The following ABCB5 variants were observed in gnomAD, a reference collection of about 807,000 sequenced individuals.
ABCB5 encodes ATP binding cassette subfamily B member 5.
A neutral mutation model predicts 144.2 loss-of-function variants in ABCB5; 155 were observed. The ratio of observed to expected loss-of-function variants is 1.08; its 90% CI spans 0.94 to 1.23. ABCB5 has a LOEUF of 1.23. ABCB5 is among the 50% of genes most tolerant of loss of function. ABCB5 has a pLI of 0.00. For missense variants in ABCB5, 1,830 were observed against 1,520.8 expected (o/e 1.20, Z -3.38); for synonymous variants, 610 against 528.6 (o/e 1.15, Z -2.11).
Position 20,643,187 on chromosome 7 carries a change from G to T in ABCB5, c.318G>T (p.Leu106Phe). 1 of 1,606,128 alleles carries T rather than the reference G, an allele frequency of 6.2e-7. No homozygotes were observed. Among genetic ancestry groups the T allele is most frequent in the South Asian group, 1.1e-5 (1 of 90,340 alleles). Residue 106 changes from leucine to phenylalanine, a missense_variant, in exon 6 of 28, where the codon TTG becomes TTT. Physicochemically the swap from Leu to Phe is conservative, Grantham distance 22. Coordinates refer to ENST00000404938, the MANE Select transcript of ABCB5 (RefSeq NM_001163941.2). The stretch of plus-strand genomic sequence containing the variant: ...CATTCTAATACTCTTTCTTCAGGTT[G>T]ACCCTGTATTATGTTGGAATAGGTG... ...QEKLNEDMTL[L>F]TLYYVGIGVA...
chr7:20,737,157 TAAAA>T (rs112403845), intron 23 of ABCB5, among the ~76,000 whole-genome samples: 1 of 142,804 alleles, frequency 7.0e-6, no homozygotes. Flanking sequence ...GACTCTGTCT[TAAAA>T]AAAAAAAAAG....
chr7:20,750,881 G>A (rs1782902972), intron 26 of ABCB5, among the ~76,000 whole-genome samples: 1 of 152,182 alleles, frequency 6.6e-6, no homozygotes. Context: ...GCATAGGACA[G>A]AAGTGGAAGC....
intron 5 of ABCB5, among the ~76,000 whole-genome samples, chr7:20,635,180 T>G (rs1784128345): frequency 1.3e-5 from 2 of 152,258 alleles, no homozygotes; most frequent in East Asian, 3.9e-4. Flanking sequence ...CAGTGTATGT[T>G]TTTGTTGGCT....
Position 20,704,817 on chromosome 7 carries a change from T to C in ABCB5, c.2421+10T>C. On this transcript the variant is annotated intron_variant, in intron 20 of 27. Transcript: ENST00000404938. ...AGCACAAATTCAAGGAGTATGTATATTGTTTTTATTGTAAATGATGTATGT... is the reference window on the plus strand; with the variant it reads ...AGCACAAATTCAAGGAGTATGTATACTGTTTTTATTGTAAATGATGTATGT... 1 of 1,598,562 alleles carries C rather than the reference T, an allele frequency of 6.3e-7. No homozygotes were observed. Among genetic ancestry groups the C allele is most frequent in the Non-Finnish European group, 8.6e-7 (1 of 1,166,766 alleles).
chr7:20,633,976 G>A (rs1051263963), intron 5 of ABCB5, among the ~76,000 whole-genome samples: 3 of 151,968 alleles, frequency 2.0e-5, no homozygotes, highest in African/African-American at 7.2e-5. Flanking sequence ...CCCAAATAGT[G>A]AAACTTGTAG....
Position 20,727,120 on chromosome 7 carries a change from G to C in ABCB5, c.2706G>C (p.Glu902Asp). 6.2e-7 allele frequency: 1 copy of C among 1,613,296 alleles called. No homozygotes were observed. Residue 902 changes from glutamate (E) to aspartate (D), a missense_variant, in exon 22 of 28, where the codon GAG becomes GAC. Physicochemically the swap from Glu to Asp is conservative, Grantham distance 45. Coordinates refer to ENST00000404938, the MANE Select transcript of ABCB5 (RefSeq NM_001163941.2). ...REKAFEQMYE[E>D]MLQTQHRNTS... ...AAGCCTTCGAGCAAATGTATGAAGA[G>C]ATGCTTCAGACTCAACACAGGTGAT...
At chr7:20,658,483 G>A (rs1393547319) in intron 13 of ABCB5, 23 bp from the exon 14 acceptor site, 1 of 1,609,208 alleles carries the variant, frequency 6.2e-7, no homozygotes, top group Non-Finnish European at 8.5e-7. Context: ...CTGTTTCTGT[G>A]CTTCTTTCCT....
chr7:20,668,330 C>A (rs1440650956), intron 14 of ABCB5, among the ~76,000 whole-genome samples: 3 of 146,588 alleles, frequency 2.0e-5, no homozygotes, highest in Non-Finnish European at 4.5e-5. Flanking sequence ...CGTCTCTGCC[C>A]GGCCGCCCAT....
chr7:20,618,682 A>G lies in ABCB5; in HGVS notation c.-22+2845A>G, dbSNP rs192269301. On this transcript the variant is annotated intron_variant, in intron 1 of 27. Transcript: ENST00000404938. ...ATACAACATTTGGTTTTCTGTTTCC[A>G]TGTTAATTCACTTAAGATAATAGCC... Among the ~76,000 whole-genome samples the G allele has an allele frequency of 3.1e-3, 461 of 148,812 alleles. 11 individuals carry two copies. The highest frequency in any genetic ancestry group is 0.029 in the Admixed American group (424 of 14,764).
chr7:20,740,404 G>T (rs1223629482), intron 24 of ABCB5, among the ~76,000 whole-genome samples: 2 of 151,988 alleles, frequency 1.3e-5, no homozygotes, highest in East Asian at 3.9e-4. Context: ...AATTTTAATA[G>T]ATTTATATGT....
intron 1 of ABCB5, among the ~76,000 whole-genome samples, chr7:20,621,241 C>G (rs2128016108): frequency 6.6e-6 from 1 of 152,062 alleles, no homozygotes; most frequent in East Asian, 1.9e-4. Context: ...TAGGAGATAA[C>G]AGAAGTTATT....
At chr7:20,668,600 G>GT (rs1311455162) in intron 14 of ABCB5, among the ~76,000 whole-genome samples, 4 of 146,538 alleles carry the variant, frequency 2.7e-5, no homozygotes, top group Non-Finnish European at 6.1e-5. Flanking sequence ...TGGGGGGGGG[G>GT]GTCAGCCCCC....
intron 10 of ABCB5, 113 bp from the exon 11 acceptor site, chr7:20,647,855 A>G (rs1172676903): frequency 6.4e-6 from 7 of 1,090,826 alleles, no homozygotes; most frequent in South Asian, 1.5e-5. Flanking sequence ...ATGCACTTCT[A>G]AAGCAGAAAG....
chr7:20,695,293 A>G (rs1786370370), intron 16 of ABCB5, among the ~76,000 whole-genome samples: 1 of 151,942 alleles, frequency 6.6e-6, no homozygotes, highest in African/African-American at 2.4e-5. Context: ...GCTTTTCAAC[A>G]CAAGGGCAAA....
intron 20 of ABCB5, among the ~76,000 whole-genome samples, chr7:20,719,121 T>G (rs1199808903): frequency 6.6e-6 from 1 of 152,184 alleles, no homozygotes; most frequent in East Asian, 1.9e-4. Flanking sequence ...TCTAGAAGCA[T>G]GTAGATTTTA....
At chr7:20,627,078 G>A (rs558794606) in intron 3 of ABCB5, among the ~76,000 whole-genome samples, 1 of 152,208 alleles carries the variant, frequency 6.6e-6, no homozygotes, top group South Asian at 2.1e-4. Context: ...TAAAGCCTAT[G>A]TATCAGATAA....
intron 12 of ABCB5, among the ~76,000 whole-genome samples, chr7:20,651,127 C>G (rs947214350): frequency 4.6e-5 from 7 of 152,102 alleles, no homozygotes; most frequent in Admixed American, 4.6e-4. Flanking sequence ...ATAACATTTG[C>G]GGAACCTAGA....
chr7:20,645,434 G>A (rs574178572), intron 7 of ABCB5, among the ~76,000 whole-genome samples: 1 of 152,300 alleles, frequency 6.6e-6, no homozygotes, highest in South Asian at 2.1e-4. Context: ...TCACAGCTCT[G>A]AAGGCAGTAT....
intron 17 of ABCB5, 131 bp downstream of exon 17, chr7:20,698,681 C>G: frequency 1.3e-6 from 1 of 754,616 alleles, no homozygotes; most frequent in Non-Finnish European, 2.0e-6. Context: ...GTGTGGAGTC[C>G]GTGATAGGAA....
Sources: allele counts gnomAD v4.1 joint callset (sites outside exome capture counted in the v4.1 genomes callset), GRCh38; gene constraint gnomAD v4.1.1; transcripts MANE v1.5; gene names NCBI Gene and HGNC (gene_info 2026-07-23, HGNC 2026-07-21).